Variants in KDM4B observed in about 807,000 individuals in gnomAD.
KDM4B encodes the protein lysine-specific demethylase 4B.
KDM4B carries 32 observed loss-of-function variants against 125.2 expected under a neutral mutation model. The ratio of observed to expected loss-of-function variants is 0.26; its 90% CI spans 0.19 to 0.34. KDM4B has a LOEUF of 0.34. Ranked by LOEUF, KDM4B falls within the 10% of genes least tolerant of loss-of-function variation. KDM4B has a pLI of 1.00. For missense variants in KDM4B, 1,190 were observed against 1,577.7 expected (o/e 0.75, Z 4.16); for synonymous variants, 721 against 677.9 (o/e 1.06, Z -0.99).
At position 5,043,924 on chromosome 19, in the gene KDM4B, T is replaced by G. The variant is rs568499528; in HGVS notation, c.432+2673T>G. ...GGTGTCCACCTTATCCCGCGTGGTGTTTATCGGAGTGGGGGTGTCCACTGT... is the reference window on the plus strand; with the variant it reads ...GGTGTCCACCTTATCCCGCGTGGTGGTTATCGGAGTGGGGGTGTCCACTGT... On this transcript the variant is annotated intron_variant, in intron 5 of 22. Transcript: ENST00000159111. Among the ~76,000 whole-genome samples the G allele has an allele frequency of 1.2e-4, 17 of 138,240 alleles. No homozygotes were observed. The East Asian group carries it at 1.6e-3, about 13-fold the overall frequency. The allele number at this position is 138,240 out of a possible 152,430, so 90.7% of individuals were successfully genotyped here.
chr19:5,120,938 A>G (rs760069011), intron 11 of KDM4B, among the ~76,000 whole-genome samples: 6 of 152,172 alleles, frequency 3.9e-5, no homozygotes, highest in Non-Finnish European at 8.8e-5. Flanking sequence ...TATGAGCCCA[A>G]CATGACCTGG....
At chr19:5,085,909 G>C (rs2038477781) in intron 9 of KDM4B, among the ~76,000 whole-genome samples, 1 of 152,220 alleles carries the variant, frequency 6.6e-6, no homozygotes, top group Admixed American at 6.5e-5. Context: ...ACAGATGACA[G>C]AGGAGTGTTA....
intron 9 of KDM4B, among the ~76,000 whole-genome samples, chr19:5,083,925 A>G (rs1486022609): frequency 1.3e-5 from 2 of 152,260 alleles, no homozygotes; most frequent in East Asian, 1.9e-4. Context: ...CCAGATCCGG[A>G]TTCTTTGACT....
intron 15 of KDM4B, 22 bp downstream of exon 15, chr19:5,135,583 A>C: frequency 6.4e-7 from 1 of 1,559,922 alleles, no homozygotes; most frequent in Non-Finnish European, 8.7e-7. Flanking sequence ...TGTGGGGCCC[A>C]GAGGAGCTGC....
intron 7 of KDM4B, chr19:5,074,435 C>G (rs2038039246): frequency 6.6e-6 from 1 of 152,254 alleles, no homozygotes; most frequent in African/African-American, 2.4e-5. Flanking sequence ...TAGCTGTGCT[C>G]CAAATGGGCT....
At chr19:5,147,023 G>T (rs1167306596) in intron 21 of KDM4B, among the ~76,000 whole-genome samples, 1 of 150,510 alleles carries the variant, frequency 6.6e-6, no homozygotes, top group Non-Finnish European at 1.5e-5. Flanking sequence ...GGTGGGGTCT[G>T]TGTGACAGTG....
intron 9 of KDM4B, among the ~76,000 whole-genome samples, chr19:5,092,317 C>T (rs2038725331): frequency 6.6e-6 from 1 of 152,214 alleles, no homozygotes; most frequent in Non-Finnish European, 1.5e-5. Flanking sequence ...CACCCCAACC[C>T]AGCTGTTTCA....
intron 1 of KDM4B, among the ~76,000 whole-genome samples, chr19:4,984,577 C>T (rs33938520): frequency 0.22 from 32,923 of 152,094 alleles, 3,973 homozygotes; most frequent in Middle Eastern, 0.37. Flanking sequence ...CGGCCTGTTC[C>T]GTACGCCTCG....
At chr19:4,980,290 C>G (rs902300914) in intron 1 of KDM4B, among the ~76,000 whole-genome samples, 1 of 152,010 alleles carries the variant, frequency 6.6e-6, no homozygotes, top group African/African-American at 2.4e-5. Flanking sequence ...CTGGATTGGC[C>G]TGTCCTGAAC....
At chr19:4,993,817 G>A (rs2035106342) in intron 1 of KDM4B, among the ~76,000 whole-genome samples, 1 of 151,764 alleles carries the variant, frequency 6.6e-6, no homozygotes, top group Non-Finnish European at 1.5e-5. Context: ...TTACTATGTT[G>A]CCCAGGCTGG....
chr19:4,998,543 C>T (rs2035272465), intron 1 of KDM4B, among the ~76,000 whole-genome samples: 1 of 152,180 alleles, frequency 6.6e-6, no homozygotes, highest in African/African-American at 2.4e-5. Flanking sequence ...CATCCCTTTA[C>T]CTCTCCTTCA....
rs1419475231 is a variant in KDM4B at position 5,032,993 on chromosome 19, A to G, written c.103A>G (p.Ile35Val). ...AGACTTCAACAAATACGTGGCCTACATAGAGTCGCAGGGAGCCCACCGGGC... is the reference window on the plus strand; with the variant it reads ...AGACTTCAACAAATACGTGGCCTACGTAGAGTCGCAGGGAGCCCACCGGGC... ...FKDFNKYVAY[I>V]ESQGAHRAGL... Residue 35 changes from isoleucine (I) to valine (V), a missense_variant, in exon 3 of 23, where the codon ATA becomes GTA. Coordinates refer to ENST00000159111, the MANE Select transcript of KDM4B (RefSeq NM_015015.3). The G allele has an allele frequency of 6.2e-7, 1 of 1,614,022 alleles. No homozygotes were observed. Among genetic ancestry groups the G allele is most frequent in the Non-Finnish European group, 8.5e-7 (1 of 1,180,016 alleles).
chr19:5,037,957 G>A lies in KDM4B; in HGVS notation c.142-1879G>A, dbSNP rs146724954. Among the ~76,000 whole-genome samples, 403 of 152,388 alleles carry A rather than the reference G, an allele frequency of 2.6e-3. 1 individual carries two copies. The highest frequency in any genetic ancestry group is 4.0e-3 in the Non-Finnish European group (274 of 68,034). On this transcript the variant is annotated intron_variant, in intron 3 of 22. Transcript: ENST00000159111. Reference sequence around the variant, plus strand: ...GGAGGATAAGTGTTTTCATTGCCAAGCAAAACAGTTTCTTCACTGATGTGA... The same window carrying A: ...GGAGGATAAGTGTTTTCATTGCCAAACAAAACAGTTTCTTCACTGATGTGA...
At chr19:4,969,762 C>G (rs1398719509) in intron 1 of KDM4B, among the ~76,000 whole-genome samples, 1 of 151,726 alleles carries the variant, frequency 6.6e-6, no homozygotes, top group Non-Finnish European at 1.5e-5. Flanking sequence ...GGGATGCCCC[C>G]TAAATGCCTA....
intron 9 of KDM4B, 139 bp from the exon 10 acceptor site, chr19:5,110,483 T>G: frequency 2.6e-6 from 2 of 761,488 alleles, no homozygotes; most frequent in South Asian, 1.6e-5. Flanking sequence ...AAAAGAAAAA[T>G]GTTCTAGAAG....
At chr19:5,106,450 C>A (rs1306283207) in intron 9 of KDM4B, among the ~76,000 whole-genome samples, 1 of 152,196 alleles carries the variant, frequency 6.6e-6, no homozygotes, top group East Asian at 1.9e-4. Context: ...TCCTTGCATC[C>A]TCCTGAGGCC....
chr19:5,017,833 C>G (rs901290946), intron 2 of KDM4B, among the ~76,000 whole-genome samples: 2 of 145,160 alleles, frequency 1.4e-5, no homozygotes, highest in Non-Finnish European at 3.0e-5. Context: ...CTCCGCCTCC[C>G]GGGTTCACGC....
At chr19:4,970,901 G>A (rs1200011086) in intron 1 of KDM4B, among the ~76,000 whole-genome samples, 1 of 152,062 alleles carries the variant, frequency 6.6e-6, no homozygotes, top group East Asian at 1.9e-4. Context: ...TGGCAGGTCC[G>A]GGCGCTCCCC....
At chr19:5,102,754 G>C (rs990951197) in intron 9 of KDM4B, among the ~76,000 whole-genome samples, 2 of 152,136 alleles carry the variant, frequency 1.3e-5, no homozygotes, top group African/African-American at 4.8e-5. Context: ...CCGCCCATAG[G>C]AGAGCCCTGG....
Sources: gnomAD v4.1 joint callset for allele counts (sites outside exome capture counted in the v4.1 genomes callset) on GRCh38, gnomAD v4.1.1 for gene constraint, MANE v1.5 for transcripts, NCBI Gene and HGNC (gene_info 2026-07-23, HGNC 2026-07-21) for gene names.